Variants in MMP16 observed in about 807,000 individuals in gnomAD.
MMP16 encodes the protein matrix metallopeptidase 16, also known as matrix metalloproteinase-16.
Under a neutral mutation model 67.8 loss-of-function variants are expected in MMP16, and 12 were observed. That is an observed-to-expected ratio of 0.18 (90% CI 0.11 to 0.29). MMP16 has a LOEUF of 0.29. Among genes scored for constraint, MMP16 ranks in the 10% least tolerant of loss-of-function variants. The pLI, the probability that MMP16 is intolerant of heterozygous loss-of-function variation, is 1.00. For missense variants in MMP16, 475 were observed against 765.7 expected (o/e 0.62, Z 4.48); for synonymous variants, 249 against 255.9 (o/e 0.97, Z 0.26).
At chr8:88,132,643 C>A (rs994035295) in intron 4 of MMP16, among the ~76,000 whole-genome samples, 3 of 151,900 alleles carry the variant, frequency 2.0e-5, no homozygotes, top group Non-Finnish European at 4.4e-5. Flanking sequence ...AGAAAGACTG[C>A]CTGCACTGGA....
At chr8:88,103,905 G>C (rs1809190046) in intron 6 of MMP16, among the ~76,000 whole-genome samples, 1 of 151,770 alleles carries the variant, frequency 6.6e-6, no homozygotes, top group South Asian at 2.1e-4. Flanking sequence ...TTAATGCACA[G>C]TGGGCACAGA....
intron 6 of MMP16, among the ~76,000 whole-genome samples, chr8:88,075,976 A>ACACACAG (rs1400489880): frequency 6.5e-5 from 3 of 46,064 alleles, no homozygotes; most frequent in Non-Finnish European, 9.2e-5. Context: ...CACACACACA[A>ACACACAG]AATCTACTGA....
intron 3 of MMP16, among the ~76,000 whole-genome samples, chr8:88,184,435 G>A (rs912017841): frequency 6.6e-6 from 1 of 151,398 alleles, no homozygotes; most frequent in African/African-American, 2.4e-5. Context: ...TGCTTTTCAA[G>A]GTGTATCCAT....
intron 4 of MMP16, among the ~76,000 whole-genome samples, chr8:88,150,506 C>A (rs1369035590): frequency 3.1e-5 from 3 of 95,638 alleles, no homozygotes; most frequent in Admixed American, 1.2e-4. Flanking sequence ...AGACTAACAG[C>A]GGATCTCTCG....
Position 88,250,883 on chromosome 8 carries a change from C to T in MMP16, c.133-53577G>A, listed in dbSNP as rs550490737. On this transcript the variant is annotated intron_variant, in intron 1 of 9. Coordinates refer to ENST00000286614, the MANE Select transcript of MMP16 (RefSeq NM_005941.5). ...TGCTGGTGTGCTGCACCCACTAACT[C>T]ATCATCTAGCATTAGTTATATCTCC... is the stretch of plus-strand genomic sequence containing the variant. Among the ~76,000 whole-genome samples the T allele has an allele frequency of 3.3e-5, 5 of 151,286 alleles. No homozygotes were observed. The South Asian group carries it at 1.0e-3, about 32-fold the overall frequency.
chr8:88,314,288 C>T (rs1811344524), intron 1 of MMP16, among the ~76,000 whole-genome samples: 1 of 152,132 alleles, frequency 6.6e-6, no homozygotes, highest in Admixed American at 6.5e-5. Context: ...AGAATATAGT[C>T]ATAACAAATG....
At chr8:88,307,111 C>G (rs1811222024) in intron 1 of MMP16, among the ~76,000 whole-genome samples, 2 of 152,166 alleles carry the variant, frequency 1.3e-5, no homozygotes, top group Non-Finnish European at 2.9e-5. Flanking sequence ...GCAAAAATTG[C>G]TAGCATTCCC....
At chr8:88,178,955 A>T (rs767585792) in intron 3 of MMP16, among the ~76,000 whole-genome samples, 4 of 152,060 alleles carry the variant, frequency 2.6e-5, no homozygotes, top group Non-Finnish European at 4.4e-5. Context: ...AGAAAAAAAG[A>T]GAATGAAAAA....
chr8:88,176,107 A>G (rs1302357131), intron 3 of MMP16, among the ~76,000 whole-genome samples: 6 of 152,346 alleles, frequency 3.9e-5, no homozygotes, highest in African/African-American at 7.2e-5. Context: ...ACACCGGGAC[A>G]CTAAGATTTA....
chr8:88,292,705 A>G (rs1411941370), intron 1 of MMP16, among the ~76,000 whole-genome samples: 1 of 152,208 alleles, frequency 6.6e-6, no homozygotes, highest in Non-Finnish European at 1.5e-5. Flanking sequence ...ATTCATAAAA[A>G]GCTAAATATG....
intron 4 of MMP16, among the ~76,000 whole-genome samples, chr8:88,145,101 G>A (rs570481403): frequency 6.6e-4 from 100 of 152,092 alleles, no homozygotes; most frequent in African/African-American, 2.4e-3. Flanking sequence ...ACAGTCACAT[G>A]TCAGTTAATG....
At chr8:88,321,585 C>T (rs1811460864) in intron 1 of MMP16, among the ~76,000 whole-genome samples, 1 of 152,102 alleles carries the variant, frequency 6.6e-6, no homozygotes, top group African/African-American at 2.4e-5. Context: ...GATGATAACA[C>T]ATGTTAGATT....
intron 1 of MMP16, among the ~76,000 whole-genome samples, chr8:88,208,188 A>AG (rs35903401): frequency 0.97 from 148,428 of 152,270 alleles, 72,460 homozygotes; most frequent in East Asian, 1. Flanking sequence ...GAAGAGAACC[A>AG]GCACCAAGCT....
chr8:88,196,143 C>A (rs2129778596), intron 2 of MMP16, among the ~76,000 whole-genome samples: 1 of 152,260 alleles, frequency 6.6e-6, no homozygotes, highest in South Asian at 2.1e-4. Flanking sequence ...GTTCACTTAG[C>A]CTTTGACATT....
At chr8:88,313,438 G>T (rs1018415825) in intron 1 of MMP16, among the ~76,000 whole-genome samples, 2 of 151,914 alleles carry the variant, frequency 1.3e-5, no homozygotes, top group East Asian at 3.9e-4. Context: ...GCAATTATTT[G>T]CTCCTCTATA....
At position 88,213,355 on chromosome 8, in the gene MMP16, T is replaced by C. The variant is rs28904627; in HGVS notation, c.133-16049A>G. The stretch of plus-strand genomic sequence containing the variant: ...TTTGAGAATGAGAAAAAATGCTTTA[T>C]AAAATTAATTTACATGGTTACATTT... On this transcript the variant is annotated intron_variant, in intron 1 of 9. Transcript: ENST00000286614. 2.0e-3 allele frequency among the ~76,000 whole-genome samples: 299 copies of C among 152,318 alleles called. 2 individuals carry two copies. Among genetic ancestry groups the C allele is most frequent in the Non-Finnish European group, 3.4e-3 (230 of 68,034 alleles).
chr8:88,131,505 T>C lies in MMP16; in HGVS notation c.710-12644A>G, dbSNP rs550540587. On this transcript the variant is annotated intron_variant, in intron 4 of 9. Transcript: ENST00000286614. The stretch of plus-strand genomic sequence containing the variant: ...TATGCCCAACCAGAAACACACACTA[T>C]TCATAGGAGATACAAGAGTCTCCAA... 8.6e-5 allele frequency among the ~76,000 whole-genome samples: 13 copies of C among 151,846 alleles called. No individual in the cohort carries two copies. In the East Asian group the frequency reaches 2.3e-3, roughly 27 times the overall value.
intron 6 of MMP16, among the ~76,000 whole-genome samples, chr8:88,084,773 A>G (rs921788734): frequency 6.6e-6 from 1 of 152,042 alleles, no homozygotes; most frequent in Non-Finnish European, 1.5e-5. Context: ...AAAAATACTC[A>G]TTAAAAATCT....
intron 4 of MMP16, among the ~76,000 whole-genome samples, chr8:88,134,926 G>C (rs1223416244): frequency 6.6e-6 from 1 of 151,048 alleles, no homozygotes; most frequent in African/African-American, 2.4e-5. Flanking sequence ...GTCTGTTCAT[G>C]TTTGGAAAAG....
Sources: allele counts gnomAD v4.1 joint callset (sites outside exome capture counted in the v4.1 genomes callset), GRCh38; gene constraint gnomAD v4.1.1; transcripts MANE v1.5; gene names NCBI Gene and HGNC (gene_info 2026-07-23, HGNC 2026-07-21).